The following SRCAP variants were observed in gnomAD, a reference collection of about 807,000 sequenced individuals.
SRCAP encodes the protein Snf2 related CREBBP activator protein, also known as chromatin remodeling protein SRCAP.
SRCAP carries 46 observed loss-of-function variants against 263.1 expected under a neutral mutation model. The ratio of observed to expected loss-of-function variants is 0.17; its 90% confidence interval spans 0.14 to 0.22. The LOEUF is 0.22. SRCAP is among the 10% of genes least tolerant of loss of function. SRCAP has a pLI of 1.00. For synonymous variants in SRCAP, 1,813 were observed against 1,662.1 expected, an observed-to-expected ratio of 1.09 and a Z score of -2.21; for missense variants, 3,695 against 4,181.9, an observed-to-expected ratio of 0.88 and a Z score of 3.21.
rs2053049868 is a variant in SRCAP at position 30,724,990 on chromosome 16, G to C, written c.5566G>C (p.Gly1856Arg). Residue 1856 changes from glycine to arginine, a missense_variant, in exon 25 of 34, where the codon GGT becomes CGT. Coordinates refer to ENST00000262518, the MANE Select transcript of SRCAP (RefSeq NM_006662.3). ...DEPDTLTLRS[G>R]PPSPPSTATS... ...GCCTGACACACTGACATTGCGCTCT[G>C]GTCCCCCCAGCCCTCCCTCCACTGC... 6.2e-7 allele frequency: 1 copy of C among 1,614,102 alleles called. No homozygotes were observed. Among genetic ancestry groups the C allele is most frequent in the East Asian group, 2.2e-5 (1 of 44,884 alleles).
intron 16 of SRCAP, among the ~76,000 whole-genome samples, chr16:30,714,189 C>G (rs1014057934): frequency 1.3e-5 from 2 of 151,440 alleles, no homozygotes; most frequent in Non-Finnish European, 2.9e-5. Flanking sequence ...TTCAGCCTCC[C>G]GAGTAGCTGG....
At chr16:30,721,109 AAGGG>A in intron 20 of SRCAP, 76 bp from the exon 21 acceptor site, 1 of 1,541,752 alleles carries the variant, frequency 6.5e-7, no homozygotes, top group Non-Finnish European at 8.7e-7. Context: ...GATGGGTTGG[AAGGG>A]AGTATGGAGG....
Position 30,723,647 on chromosome 16 carries a change from C to T in SRCAP, c.4223C>T (p.Pro1408Leu), listed in dbSNP as rs757996709. 1.2e-6 allele frequency: 2 copies of T among 1,613,672 alleles called. No homozygotes were observed. The highest frequency in any genetic ancestry group is 1.3e-5 in the African/African-American group (1 of 74,862). ...SSPLHVPSSL[P>L]GPASSPMPIP... ...CCTCTCCACGTGCCATCCTCCCTCC[C>T]TGGGCCAGCCTCTTCTCCAATGCCA... The change falls in exon 25 of 34, where the codon CCT (proline) becomes CTT (leucine). Residue 1408 changes from proline to leucine, a missense_variant. Transcript: ENST00000262518.
chr16:30,711,436 GTA>G, intron 10 of SRCAP, 133 bp from the exon 11 acceptor site: 1 of 872,440 alleles, frequency 1.1e-6, no homozygotes, highest in South Asian at 1.9e-5. Context: ...GATGCTGAAA[GTA>G]AGCTCTTTTG....
Position 30,712,206 on chromosome 16 carries a change from G to A in SRCAP, c.1815+49G>A, listed in dbSNP as rs200974827. 6.2e-6 allele frequency: 10 copies of A among 1,602,202 alleles called. 1 individual carries two copies. In the East Asian group the frequency reaches 2.0e-4, roughly 32 times the overall value. On this transcript the variant is annotated intron_variant, in intron 12 of 33. Transcript: ENST00000262518. ...CTTTCTCATGTCTTGACTTTCTCAT[G>A]TCCCCACAACAAATGCCTCATTTCC...
Position 30,738,676 on chromosome 16 carries a change from A to G in SRCAP, c.8636A>G (p.Glu2879Gly). ...SPADAGRGVD[E>G]APSSTLKGKT... is the part of the protein sequence containing the mutation. ...GCAGATGCTGGGAGAGGTGTGGATG[A>G]GGCACCCTCATCCACCTTGAAGGGA... The change falls in exon 34 of 34, where the codon GAG becomes GGG. Residue 2879 changes from glutamate (E) to glycine (G), a missense_variant. Glu to Gly is a moderately conservative substitution (Grantham distance 98). Around this residue, in one of 12 missense-constraint regions of SRCAP, gnomAD observed 1,207 missense variants for 1,142.9 expected, o/e 1.06. Coordinates refer to ENST00000262518, the MANE Select transcript of SRCAP (RefSeq NM_006662.3). 2 of 1,613,618 alleles carry G rather than the reference A, an allele frequency of 1.2e-6. No individual in the cohort carries two copies. Among genetic ancestry groups the G allele is most frequent in the Non-Finnish European group, 1.7e-6 (2 of 1,179,818 alleles).
Position 30,725,171 on chromosome 16 carries a change from C to T in SRCAP, c.5658+89C>T, listed in dbSNP as rs904186737. 17 of 1,511,634 alleles carry T rather than the reference C, an allele frequency of 1.1e-5. No homozygotes were observed. In the African/African-American group the frequency reaches 1.4e-4, roughly 12 times the overall value. 93.6% of individuals were successfully genotyped at this position (1,511,634 alleles called of 1,614,324 possible). ...ATGGAACAGTGATGTCACATTTAAC[C>T]TGGTGAATTACAAAGCTTAATGTTA... On this transcript the variant is annotated intron_variant, in intron 25 of 33. Coordinates refer to ENST00000262518, the MANE Select transcript of SRCAP (RefSeq NM_006662.3).
At position 30,729,484 on chromosome 16, in the gene SRCAP, G is replaced by C; in HGVS notation, c.6039G>C (p.Glu2013Asp). 6.2e-7 allele frequency: 1 copy of C among 1,614,178 alleles called. No individual in the cohort carries two copies. ...QAAFQEQLAS[E>D]LWPRARPLHR... is the part of the protein sequence containing the mutation. ...CCTTCCAGGAGCAATTGGCCTCTGAGCTCTGGCCCCGGGCTCGTCCTTTGC... is the reference window on the plus strand; with the variant it reads ...CCTTCCAGGAGCAATTGGCCTCTGACCTCTGGCCCCGGGCTCGTCCTTTGC... The change falls in exon 27 of 34, where the codon GAG (glutamate) becomes GAC (aspartate). Residue 2013 changes from glutamate to aspartate, a missense_variant. Coordinates refer to ENST00000262518, the MANE Select transcript of SRCAP (RefSeq NM_006662.3).
chr16:30,737,187 A>C lies in SRCAP; in HGVS notation c.7147A>C (p.Lys2383Gln). The C allele has an allele frequency of 6.2e-7, 1 of 1,614,098 alleles. No individual in the cohort carries two copies. Among genetic ancestry groups the C allele is most frequent in the Non-Finnish European group, 8.5e-7 (1 of 1,180,006 alleles). The change falls in exon 34 of 34, where the codon AAA becomes CAA. Residue 2383 changes from lysine to glutamine, a missense_variant. Physicochemically the swap from Lys to Gln is moderately conservative, Grantham distance 53. Transcript: ENST00000262518. ...TGGTGGAGGCACCCACCGGCGCAGT[A>C]AAAAGGCCAAAGCCCCTGAGAGGCC... ...GTGGGTHRRS[K>Q]KAKAPERPGT...
Position 30,737,502 on chromosome 16 carries a change from C to T in SRCAP, c.7462C>T (p.Pro2488Ser), listed in dbSNP as rs1439223557. The change falls in exon 34 of 34, where the codon CCT becomes TCT. Residue 2488 changes from proline to serine, a missense_variant. Physicochemically the swap from Pro to Ser is moderately conservative, Grantham distance 74. Coordinates refer to ENST00000262518, the MANE Select transcript of SRCAP (RefSeq NM_006662.3). Reference sequence around the variant, plus strand: ...CCATATCTTGCCTTCTCCTCCCCCTCCTTCACAGATTCCTCCTTGTTCTTC... The same window carrying T: ...CCATATCTTGCCTTCTCCTCCCCCTTCTTCACAGATTCCTCCTTGTTCTTC... ...PVHILPSPPPPSQIPPCSSPA... is the reference protein window; with the variant it reads ...PVHILPSPPPSSQIPPCSSPA... 6.3e-7 allele frequency: 1 copy of T among 1,599,828 alleles called. No homozygotes were observed. The highest frequency in any genetic ancestry group is 1.1e-5 in the South Asian group (1 of 90,698).
At chr16:30,735,289 G>C (rs1201026218) in intron 31 of SRCAP, among the ~76,000 whole-genome samples, 1 of 149,594 alleles carries the variant, frequency 6.7e-6, no homozygotes, top group Non-Finnish European at 1.5e-5. Flanking sequence ...TGGGACTACA[G>C]GCGCCCGCCA....
Position 30,707,629 on chromosome 16 carries a change from C to T in SRCAP, c.550C>T (p.Arg184Trp), listed in dbSNP as rs778348276. 1 of 1,613,928 alleles carries T rather than the reference C, an allele frequency of 6.2e-7. No homozygotes were observed. Among genetic ancestry groups the T allele is most frequent in the African/African-American group, 1.3e-5 (1 of 74,882 alleles). The part of the protein sequence containing the change: ...EEQRQKEERA[R>W]REEQAKLRRI... ...GCAGCGGCAGAAAGAGGAACGGGCC[C>T]GGAGGGAGGAGCAGGCCAAGCTGCG... Residue 184 changes from arginine to tryptophan, a missense_variant, in exon 6 of 34, where the codon CGG becomes TGG. Around this residue, in one of 12 missense-constraint regions of SRCAP, gnomAD observed 107 missense variants for 223.8 expected, o/e 0.48. Coordinates refer to ENST00000262518, the MANE Select transcript of SRCAP (RefSeq NM_006662.3).
chr16:30,734,727 A>G, intron 31 of SRCAP, 112 bp downstream of exon 31: 2 of 1,489,026 alleles, frequency 1.3e-6, no homozygotes, highest in East Asian at 2.3e-5. Context: ...TCTGCTTCCC[A>G]GATTACAGTC....
In SRCAP at chr16:30,703,899, AAAAAT is replaced by A. The variant is rs761315544; in HGVS notation, c.55-155_55-151del. Among the ~76,000 whole-genome samples the A allele has an allele frequency of 5.3e-5, 8 of 152,322 alleles. No homozygotes were observed. The East Asian group carries it at 5.8e-4, about 11-fold the overall frequency. The stretch of plus-strand genomic sequence containing the variant: ...GCGACAGAGCGAGACTCCATCTCAA[AAAAAT>A]AAAATAAAAACTTTATCCCGAACGT... On this transcript the variant is annotated intron_variant, in intron 3 of 33. Coordinates refer to ENST00000262518, the MANE Select transcript of SRCAP (RefSeq NM_006662.3).
In SRCAP at chr16:30,729,093, C is replaced by A. The variant is rs1351021153; in HGVS notation, c.5786C>A (p.Pro1929His). The part of the protein sequence containing the change: ...GTEVLDFCTL[P>H]QPVASPIGPR... ...GAAGTCCTGGATTTCTGTACCCTGC[C>A]CCAACCTGTTGCCAGCCCCATCGGC... Residue 1929 changes from proline to histidine, a missense_variant, in exon 26 of 34, where the codon CCC (proline) becomes CAC (histidine). Pro to His is a moderately conservative substitution (Grantham distance 77). Coordinates refer to ENST00000262518, the MANE Select transcript of SRCAP (RefSeq NM_006662.3). The A allele has an allele frequency of 1.2e-6, 2 of 1,614,044 alleles. No individual in the cohort carries two copies. Among genetic ancestry groups the A allele is most frequent in the Non-Finnish European group, 1.7e-6 (2 of 1,180,030 alleles).
Position 30,713,503 on chromosome 16 carries a change from C to G in SRCAP, c.2301-16C>G, listed in dbSNP as rs888297986. On this transcript the variant is annotated splice_polypyrimidine_tract_variant and intron_variant, in intron 15 of 33. Transcript: ENST00000262518. ...TGCTGACCATACTCTCTCTGATTCT[C>G]TCTGTCTCTTTGCAGCCAGAGACGC... 6 of 1,613,818 alleles carry G rather than the reference C, an allele frequency of 3.7e-6. No individual in the cohort carries two copies. Among genetic ancestry groups the G allele is most frequent in the Non-Finnish European group, 5.1e-6 (6 of 1,179,836 alleles).
Position 30,716,345 on chromosome 16 carries a change from A to G in SRCAP, c.2683A>G (p.Met895Val). The change falls in exon 18 of 34, where the codon ATG (methionine) becomes GTG (valine). Residue 895 changes from methionine to valine, a missense_variant. By Grantham distance (21) the Met-to-Val change is conservative. Around this residue, in one of 12 missense-constraint regions of SRCAP, gnomAD observed 147 missense variants for 212.7 expected, o/e 0.69. Coordinates refer to ENST00000262518, the MANE Select transcript of SRCAP (RefSeq NM_006662.3). ...TTTCATGAGCGTCATCAACATTTTGATGCAGCTGAGAAAAGTTTGCAATCA... is the reference window on the plus strand; with the variant it reads ...TTTCATGAGCGTCATCAACATTTTGGTGCAGCTGAGAAAAGTTTGCAATCA... Reference protein sequence around the residue: ...GHFMSVINILMQLRKVCNHPN... With the variant: ...GHFMSVINILVQLRKVCNHPN... 6.2e-7 allele frequency: 1 copy of G among 1,614,104 alleles called. No homozygotes were observed. The highest frequency in any genetic ancestry group is 8.5e-7 in the Non-Finnish European group (1 of 1,180,024).
At chr16:30,712,537 C>G in intron 13 of SRCAP, 98 bp downstream of exon 13, 3 of 1,514,504 alleles carry the variant, frequency 2.0e-6, no homozygotes. Flanking sequence ...GCTTTATTGA[C>G]TCCGGTCATT....
intron 31 of SRCAP, among the ~76,000 whole-genome samples, chr16:30,735,367 C>T (rs560587430): frequency 7.1e-4 from 108 of 151,230 alleles, no homozygotes; most frequent in Non-Finnish European, 1.1e-3. Context: ...GGGATGGTCT[C>T]GATCTCCTGA....
Sources: gnomAD v4.1 joint callset for allele counts (sites outside exome capture counted in the v4.1 genomes callset) on GRCh38, gnomAD v4.1.1 for gene constraint, gnomAD v4.1.1 regional missense constraint, MANE v1.5 for transcripts, NCBI Gene and HGNC (gene_info 2026-07-23, HGNC 2026-07-21) for gene names.